The following UNC13B variants were observed in gnomAD, a reference collection of about 807,000 sequenced individuals.
The protein encoded by UNC13B is unc-13 homolog B, also known as protein unc-13 homolog B.
In UNC13B, 144 loss-of-function variants were observed where a neutral mutation model predicts 211.0. The observed-to-expected ratio is 0.68, with a 90% CI of 0.60 to 0.78. The LOEUF is 0.78. Ranked by LOEUF, UNC13B falls within the 30% of genes least tolerant of loss-of-function variation. The pLI, the probability that UNC13B is intolerant of heterozygous loss-of-function variation, is 0.00. For missense variants in UNC13B, 1,777 were observed against 2,002.0 expected, an observed-to-expected ratio of 0.89 and a Z score of 2.14; for synonymous variants, 709 against 725.8, an observed-to-expected ratio of 0.98 and a Z score of 0.37.
intron 11 of UNC13B, among the ~76,000 whole-genome samples, chr9:35,318,080 A>G (rs1409745199): frequency 6.6e-6 from 1 of 152,166 alleles, no homozygotes; most frequent in Non-Finnish European, 1.5e-5. Context: ...TCTCAAAAAG[A>G]CTAGCTGAAA....
chr9:35,240,398 T>C (rs1825742355), intron 5 of UNC13B, among the ~76,000 whole-genome samples: 1 of 152,156 alleles, frequency 6.6e-6, no homozygotes, highest in Non-Finnish European at 1.5e-5. Flanking sequence ...TAAGCAAAAA[T>C]GACATGATTT....
intron 2 of UNC13B, among the ~76,000 whole-genome samples, chr9:35,228,584 G>T (rs1183909276): frequency 6.6e-6 from 1 of 151,932 alleles, no homozygotes; most frequent in Non-Finnish European, 1.5e-5. Context: ...CAGCTTGAGA[G>T]TGTGTGTATA....
chr9:35,364,649 G>A (rs1587704958), intron 11 of UNC13B: 4 of 662,316 alleles, frequency 6.0e-6, no homozygotes, highest in East Asian at 5.8e-5. Flanking sequence ...GTGTGTGTAT[G>A]TGTGTGTGTG....
chr9:35,305,111 C>A lies in UNC13B; in HGVS notation c.5707C>A (p.Gln1903Lys). 1 of 398,854 alleles carries A rather than the reference C, an allele frequency of 2.5e-6. No homozygotes were observed. Among genetic ancestry groups the A allele is most frequent in the Admixed American group, 4.4e-5 (1 of 22,728 alleles). The allele number at this position is 398,854 out of a possible 1,614,324, so 24.7% of individuals were successfully genotyped here. The change falls in exon 9 of 40, where the codon CAG (glutamine) becomes AAG (lysine). Residue 1903 changes from glutamine to lysine, a missense_variant. By Grantham distance (53) the Gln-to-Lys change is moderately conservative. Transcript: ENST00000635942. ...TGAGCGTGAGAATTATGAGCTTCCCCAGGGCCAGTCATCCAAAGAGTCTGA... is the reference window on the plus strand; with the variant it reads ...TGAGCGTGAGAATTATGAGCTTCCCAAGGGCCAGTCATCCAAAGAGTCTGA... The part of the protein sequence containing the change: ...GDERENYELP[Q>K]GQSSKESDKT...
intron 11 of UNC13B, chr9:35,353,064 A>G (rs1832820198): frequency 8.1e-7 from 1 of 1,232,130 alleles, no homozygotes; most frequent in African/African-American, 1.6e-5. Flanking sequence ...TTGGCAGACA[A>G]GTCCAGAAGG....
At chr9:35,320,711 C>T (rs1263851613) in intron 11 of UNC13B, among the ~76,000 whole-genome samples, 1 of 152,230 alleles carries the variant, frequency 6.6e-6, no homozygotes, top group Non-Finnish European at 1.5e-5. Flanking sequence ...TTTTTTTCTA[C>T]TGCATGATGA....
chr9:35,173,054 C>G (rs1057253098), intron 1 of UNC13B, among the ~76,000 whole-genome samples: 1 of 152,090 alleles, frequency 6.6e-6, no homozygotes, highest in African/African-American at 2.4e-5. Flanking sequence ...TTATTGATTT[C>G]TATAGCGTTT....
chr9:35,379,669 A>G (rs989864374), intron 17 of UNC13B, among the ~76,000 whole-genome samples: 3 of 152,234 alleles, frequency 2.0e-5, no homozygotes, highest in African/African-American at 7.2e-5. Flanking sequence ...GACACTATAC[A>G]TAATACAGTG....
chr9:35,164,415 T>C (rs189373598), intron 1 of UNC13B, among the ~76,000 whole-genome samples: 4 of 152,372 alleles, frequency 2.6e-5, no homozygotes, highest in Non-Finnish European at 4.4e-5. Flanking sequence ...TTATTACAAC[T>C]CAATTTCAAT....
chr9:35,165,190 A>G (rs1199079500), intron 1 of UNC13B, among the ~76,000 whole-genome samples: 2 of 152,234 alleles, frequency 1.3e-5, no homozygotes, highest in East Asian at 3.9e-4. Flanking sequence ...AAGTTATGTC[A>G]CCTTTTTTGT....
chr9:35,220,670 A>G (rs558306082), intron 1 of UNC13B, among the ~76,000 whole-genome samples: 9 of 152,258 alleles, frequency 5.9e-5, no homozygotes, highest in Admixed American at 5.2e-4. Flanking sequence ...CATTTTTGTT[A>G]TGATGAACAC....
At chr9:35,204,155 G>C (rs1321455738) in intron 1 of UNC13B, among the ~76,000 whole-genome samples, 1 of 152,250 alleles carries the variant, frequency 6.6e-6, no homozygotes, top group African/African-American at 2.4e-5. Flanking sequence ...GTAAGCCTTG[G>C]TGGTTTACAC....
At chr9:35,334,758 CG>C (rs1831558096) in intron 11 of UNC13B, among the ~76,000 whole-genome samples, 1 of 152,066 alleles carries the variant, frequency 6.6e-6, no homozygotes, top group Non-Finnish European at 1.5e-5. Flanking sequence ...ATTAGGTGGC[CG>C]GGCGCGGTGG....
chr9:35,249,362 G>T (rs1826316044), intron 6 of UNC13B, among the ~76,000 whole-genome samples: 1 of 152,100 alleles, frequency 6.6e-6, no homozygotes. Context: ...TACATTTAAG[G>T]TTAATATTGT....
At chr9:35,296,980 C>A (rs1829390812) in intron 8 of UNC13B, among the ~76,000 whole-genome samples, 1 of 152,128 alleles carries the variant, frequency 6.6e-6, no homozygotes, top group Admixed American at 6.5e-5. Flanking sequence ...CCTTTCTGGT[C>A]CAGGATCCAA....
At chr9:35,353,722 T>C (rs759867363) in intron 11 of UNC13B, 38 of 1,231,936 alleles carry the variant, frequency 3.1e-5, no homozygotes, top group Non-Finnish European at 3.6e-5. Context: ...TTAAGAATGT[T>C]CTAAGAGAGA....
chr9:35,195,341 C>G lies in UNC13B; in HGVS notation c.23-32674C>G, dbSNP rs377748375. 2.0e-5 allele frequency among the ~76,000 whole-genome samples: 3 copies of G among 152,150 alleles called. No individual in the cohort carries two copies. In the East Asian group the frequency reaches 5.8e-4, roughly 29 times the overall value. ...TGCCTAAGTGAGTTCTTCTTAACTC[C>G]TGTATCAGTGTGCCCCCTTTCCACG... On this transcript the variant is annotated intron_variant, in intron 1 of 39. Coordinates refer to ENST00000635942, the MANE Select transcript of UNC13B (RefSeq NM_001371189.2).
intron 1 of UNC13B, among the ~76,000 whole-genome samples, chr9:35,174,878 G>A (rs1419541316): frequency 6.6e-6 from 1 of 152,074 alleles, no homozygotes; most frequent in Non-Finnish European, 1.5e-5. Context: ...GAGCCACCGC[G>A]CCCGGCCACG....
intron 26 of UNC13B, among the ~76,000 whole-genome samples, chr9:35,392,558 C>T (rs1050543498): frequency 8.0e-5 from 12 of 149,836 alleles, no homozygotes; most frequent in Non-Finnish European, 1.0e-4. Flanking sequence ...AACCAAACAC[C>T]GCATATTCTC....
Sources: gnomAD v4.1 joint callset for allele counts (sites outside exome capture counted in the v4.1 genomes callset) on GRCh38, gnomAD v4.1.1 for gene constraint, MANE v1.5 for transcripts, NCBI Gene and HGNC (gene_info 2026-07-23, HGNC 2026-07-21) for gene names.